Variants in PRKCA observed in about 807,000 individuals in gnomAD.
The protein encoded by PRKCA is protein kinase C alpha.
Under a neutral mutation model 87.0 loss-of-function variants are expected in PRKCA, and 27 were observed. The observed-to-expected ratio is 0.31, with a 90% confidence interval of 0.23 to 0.43. PRKCA has a LOEUF of 0.43. Ranked by LOEUF, PRKCA falls within the 20% of genes least tolerant of loss-of-function variation. The pLI, the probability that PRKCA is intolerant of heterozygous loss-of-function variation, is 1.00. For synonymous variants in PRKCA, 329 were observed against 311.1 expected, an observed-to-expected ratio of 1.06 and a Z score of -0.61; for missense variants, 518 against 852.3, an observed-to-expected ratio of 0.61 and a Z score of 4.88.
chr17:66,678,405 G>A (rs1972393936), intron 5 of PRKCA, among the ~76,000 whole-genome samples: 1 of 152,206 alleles, frequency 6.6e-6, no homozygotes, highest in East Asian at 1.9e-4. Flanking sequence ...CGTATACTTT[G>A]TTCCAGCAGC....
At chr17:66,533,834 T>C (rs1001701536) in intron 3 of PRKCA, among the ~76,000 whole-genome samples, 2 of 152,224 alleles carry the variant, frequency 1.3e-5, no homozygotes, top group East Asian at 3.9e-4. Flanking sequence ...GTAGAGGCTG[T>C]TGGAAAGGGC....
intron 8 of PRKCA, among the ~76,000 whole-genome samples, chr17:66,729,871 G>A (rs1048371722): frequency 6.8e-5 from 9 of 132,826 alleles, no homozygotes; most frequent in Admixed American, 5.3e-4. Context: ...TGCTGCCTCC[G>A]CCTCCCCAGT....
chr17:66,660,271 A>G (rs896270482), intron 5 of PRKCA, among the ~76,000 whole-genome samples: 3 of 152,234 alleles, frequency 2.0e-5, no homozygotes, highest in African/African-American at 4.8e-5. Context: ...GTGGGGGTCC[A>G]GTTTTCTGAA....
intron 13 of PRKCA, among the ~76,000 whole-genome samples, chr17:66,758,039 A>T (rs952504990): frequency 2.0e-5 from 3 of 152,218 alleles, no homozygotes; most frequent in Non-Finnish European, 1.5e-5. Flanking sequence ...GAAGTTCTTT[A>T]GAGAGAAGGA....
At chr17:66,514,386 G>A (rs761640198) in intron 3 of PRKCA, among the ~76,000 whole-genome samples, 5 of 152,102 alleles carry the variant, frequency 3.3e-5, no homozygotes, top group African/African-American at 9.6e-5. Context: ...ACTCTCCTTC[G>A]CCCAACAGTG....
At position 66,554,508 on chromosome 17, in the gene PRKCA, A is replaced by G. The variant is rs1432487575; in HGVS notation, c.288+58225A>G. The G allele has an allele frequency of 5.3e-6, 5 of 943,318 alleles. No homozygotes were observed. The African/African-American group carries it at 7.1e-5, about 13-fold the overall frequency. 58.4% of individuals were successfully genotyped at this position (943,318 alleles called of 1,614,324 possible). A position where few individuals can be genotyped will look rare whatever the true frequency, so the allele number is the denominator to read the frequency against. On this transcript the variant is annotated intron_variant, in intron 3 of 16. Coordinates refer to ENST00000413366, the MANE Select transcript of PRKCA (RefSeq NM_002737.3). The stretch of plus-strand genomic sequence containing the variant: ...TCCCGTGACTACTCACATCATTTCT[A>G]TTACCTACAGCTCTTCTCCCCTGTA...
At chr17:66,634,758 C>T (rs897973690) in intron 3 of PRKCA, among the ~76,000 whole-genome samples, 14 of 152,206 alleles carry the variant, frequency 9.2e-5, no homozygotes, top group African/African-American at 2.7e-4. Context: ...TCACTTTCCT[C>T]TTTTTACCTT....
intron 5 of PRKCA, among the ~76,000 whole-genome samples, chr17:66,678,625 T>C (rs1972400590): frequency 6.6e-6 from 1 of 151,914 alleles, no homozygotes; most frequent in Non-Finnish European, 1.5e-5. Flanking sequence ...ACTTACTTTT[T>C]TGTTTCCTCC....
chr17:66,433,272 G>A (rs1486066760), intron 2 of PRKCA, among the ~76,000 whole-genome samples: 1 of 152,216 alleles, frequency 6.6e-6, no homozygotes, highest in East Asian at 1.9e-4. Flanking sequence ...CTGCAGCCCC[G>A]GCCCCAGCTC....
At chr17:66,435,427 G>T (rs1913329197) in intron 2 of PRKCA, among the ~76,000 whole-genome samples, 1 of 152,222 alleles carries the variant, frequency 6.6e-6, no homozygotes, top group Non-Finnish European at 1.5e-5. Flanking sequence ...TGTCGTGTGG[G>T]TGTGATGGTG....
At chr17:66,497,233 C>T (rs533469289) in intron 3 of PRKCA, among the ~76,000 whole-genome samples, 2 of 152,252 alleles carry the variant, frequency 1.3e-5, no homozygotes, top group Admixed American at 6.5e-5. Context: ...CACGGTGGCT[C>T]ACGCCTGTAA....
At chr17:66,531,729 T>C (rs1295116181) in intron 3 of PRKCA, among the ~76,000 whole-genome samples, 2 of 152,216 alleles carry the variant, frequency 1.3e-5, no homozygotes, top group African/African-American at 2.4e-5. Flanking sequence ...TTCACACCTG[T>C]GTCGTGTATT....
Position 66,303,005 on chromosome 17 carries a change from C to A in PRKCA, c.154C>A (p.His52Asn), listed in dbSNP as rs1332665914. 1 of 1,610,544 alleles carries A rather than the reference C, an allele frequency of 6.2e-7. No homozygotes were observed. Among genetic ancestry groups the A allele is most frequent in the African/African-American group, 1.3e-5 (1 of 74,658 alleles). Residue 52 changes from histidine (H) to asparagine (N), a missense_variant, in exon 1 of 17, where the codon CAC (histidine) becomes AAC (asparagine). Transcript: ENST00000413366. The part of the protein sequence containing the change: ...RFFKQPTFCS[H>N]CTDFIWGFGK... ...CTTCAAGCAGCCCACCTTCTGCAGC[C>A]ACTGCACCGACTTCATCTGGTAGGT... is the stretch of plus-strand genomic sequence containing the variant.
chr17:66,324,192 A>T (rs1237836232), intron 2 of PRKCA, among the ~76,000 whole-genome samples: 2 of 152,134 alleles, frequency 1.3e-5, no homozygotes, highest in African/African-American at 4.8e-5. Context: ...CTTCACATAA[A>T]CATTGATATG....
At chr17:66,490,856 C>T (rs986317590) in intron 2 of PRKCA, among the ~76,000 whole-genome samples, 1 of 152,230 alleles carries the variant, frequency 6.6e-6, no homozygotes. Context: ...GCAGGGATTA[C>T]AGGTGTGACC....
At chr17:66,452,851 G>A (rs1490482540) in intron 2 of PRKCA, among the ~76,000 whole-genome samples, 3 of 152,186 alleles carry the variant, frequency 2.0e-5, no homozygotes, top group African/African-American at 4.8e-5. Flanking sequence ...ATGACAGAGC[G>A]AGACTCCGTC....
At chr17:66,361,596 C>G (rs1389389883) in intron 2 of PRKCA, among the ~76,000 whole-genome samples, 2 of 152,150 alleles carry the variant, frequency 1.3e-5, no homozygotes, top group African/African-American at 4.8e-5. Context: ...TAGGTGTGAG[C>G]CACTGCGCCA....
At chr17:66,638,303 GGAGT>G (rs1038719448) in intron 3 of PRKCA, 5 of 151,988 alleles carry the variant, frequency 3.3e-5, no homozygotes, top group Admixed American at 6.6e-5. Flanking sequence ...TACAAAACTT[GGAGT>G]GAAACAGAGA....
chr17:66,621,809 T>G (rs1970689301), intron 3 of PRKCA, among the ~76,000 whole-genome samples: 1 of 152,168 alleles, frequency 6.6e-6, no homozygotes, highest in Non-Finnish European at 1.5e-5. Flanking sequence ...TATTTGCATA[T>G]GTCAAAATAA....
Sources: gnomAD v4.1 joint callset for allele counts (sites outside exome capture counted in the v4.1 genomes callset) on GRCh38, gnomAD v4.1.1 for gene constraint, MANE v1.5 for transcripts, NCBI Gene and HGNC (gene_info 2026-07-23, HGNC 2026-07-21) for gene names.